The following GRM7 variants were observed in gnomAD, a reference collection of about 807,000 sequenced individuals.
GRM7 encodes glutamate metabotropic receptor 7.
Under a neutral mutation model 84.5 loss-of-function variants are expected in GRM7, and 35 were observed. The ratio of observed to expected loss-of-function variants is 0.41; its 90% confidence interval spans 0.32 to 0.55. GRM7 has a LOEUF of 0.55. GRM7 is among the 20% of genes least tolerant of loss of function. The probability of loss-of-function intolerance (pLI) is 0.19; values close to 1 mark genes in which losing one functional copy is unlikely to be tolerated. For missense variants in GRM7, 1,003 were observed against 1,194.6 expected, an observed-to-expected ratio of 0.84 and a Z score of 2.36; for synonymous variants, 487 against 455.1, an observed-to-expected ratio of 1.07 and a Z score of -0.89.
chr3:7,704,302 A>G (rs964525700), intron 9 of GRM7, among the ~76,000 whole-genome samples: 7 of 152,212 alleles, frequency 4.6e-5, no homozygotes, highest in Non-Finnish European at 1.0e-4. Flanking sequence ...ATGAACAGCT[A>G]TTTCACATCA....
intron 1 of GRM7, among the ~76,000 whole-genome samples, chr3:6,990,416 G>C (rs1291645421): frequency 6.6e-6 from 1 of 152,140 alleles, no homozygotes; most frequent in Admixed American, 6.5e-5. Context: ...GTTGGGAGAT[G>C]GGTGTTAGGA....
chr3:6,917,119 C>T (rs1256216417), intron 1 of GRM7, among the ~76,000 whole-genome samples: 5 of 152,148 alleles, frequency 3.3e-5, no homozygotes, highest in Admixed American at 3.3e-4. Flanking sequence ...TCAGTTTTCT[C>T]AACTGTCCAT....
At chr3:7,550,110 A>G (rs925042802) in intron 7 of GRM7, among the ~76,000 whole-genome samples, 2 of 144,924 alleles carry the variant, frequency 1.4e-5, no homozygotes, top group Non-Finnish European at 3.0e-5. Flanking sequence ...CCCCACCCCC[A>G]CTTAGTAATG....
intron 5 of GRM7, among the ~76,000 whole-genome samples, chr3:7,436,237 A>T (rs373257489): frequency 6.6e-6 from 1 of 151,898 alleles, no homozygotes; most frequent in African/African-American, 2.4e-5. Context: ...TGTTGTCTTT[A>T]TATCCCTCTT....
chr3:7,227,977 A>G (rs1346782766), intron 2 of GRM7, among the ~76,000 whole-genome samples: 6 of 152,182 alleles, frequency 3.9e-5, no homozygotes, highest in African/African-American at 1.4e-4. Flanking sequence ...AATGGTTTTC[A>G]TTCAGGTACT....
chr3:7,442,394 C>A (rs917382056), intron 5 of GRM7, among the ~76,000 whole-genome samples: 1 of 152,164 alleles, frequency 6.6e-6, no homozygotes, highest in African/African-American at 2.4e-5. Flanking sequence ...AATGAATTCA[C>A]AGCATCTTCA....
chr3:6,971,368 C>T (rs1329661075), intron 1 of GRM7, among the ~76,000 whole-genome samples: 5 of 152,130 alleles, frequency 3.3e-5, no homozygotes, highest in Non-Finnish European at 5.9e-5. Flanking sequence ...GTCCGAAGAA[C>T]TTTTCTTCCT....
chr3:6,933,358 C>G (rs1487789005), intron 1 of GRM7, among the ~76,000 whole-genome samples: 1 of 152,048 alleles, frequency 6.6e-6, no homozygotes, highest in East Asian at 1.9e-4. Flanking sequence ...CATATCCAGG[C>G]TTAATTGGAC....
intron 8 of GRM7, among the ~76,000 whole-genome samples, chr3:7,601,053 C>T (rs1022014275): frequency 1.3e-5 from 2 of 152,142 alleles, no homozygotes; most frequent in Non-Finnish European, 2.9e-5. Context: ...TGTTGAAACT[C>T]ACAGATTCCC....
chr3:7,221,082 G>T (rs1374012323), intron 2 of GRM7, among the ~76,000 whole-genome samples: 2 of 152,094 alleles, frequency 1.3e-5, no homozygotes, highest in African/African-American at 4.8e-5. Flanking sequence ...GGGCGACAGA[G>T]TAAGACTGTC....
intron 4 of GRM7, among the ~76,000 whole-genome samples, chr3:7,329,886 T>G (rs1000594628): frequency 6.6e-6 from 1 of 152,166 alleles, no homozygotes; most frequent in Non-Finnish European, 1.5e-5. Context: ...TGTTTTATTA[T>G]AGAGAAATAT....
rs1458817330 is a variant in GRM7, at chr3:7,339,962, C to G, written c.1033+33310C>G. On this transcript the variant is annotated intron_variant, in intron 4 of 9. Transcript: ENST00000357716. ...GCTTTAAATGTAATTATCTAGGAGT[C>G]TGAATCCTTGCATAGCTAAGAAATA... 2.0e-5 allele frequency among the ~76,000 whole-genome samples: 3 copies of G among 152,120 alleles called. No individual in the cohort carries two copies. In the East Asian group the frequency reaches 5.8e-4, roughly 29 times the overall value.
chr3:6,978,370 A>T (rs1694076585), intron 1 of GRM7, among the ~76,000 whole-genome samples: 1 of 152,078 alleles, frequency 6.6e-6, no homozygotes, highest in Non-Finnish European at 1.5e-5. Flanking sequence ...TTTTAGACCT[A>T]TTGGAGAACA....
At chr3:7,157,471 A>G (rs1444409835) in intron 2 of GRM7, among the ~76,000 whole-genome samples, 1 of 152,106 alleles carries the variant, frequency 6.6e-6, no homozygotes, top group Non-Finnish European at 1.5e-5. Context: ...AAATTTTGAA[A>G]TTTGAAATGA....
intron 2 of GRM7, among the ~76,000 whole-genome samples, chr3:7,272,424 C>T (rs569967488): frequency 2.6e-5 from 4 of 152,176 alleles, no homozygotes; most frequent in South Asian, 2.1e-4. Context: ...AACAGGAATA[C>T]GTGTTTTAGG....
chr3:7,608,935 C>T (rs1364194751), intron 8 of GRM7, among the ~76,000 whole-genome samples: 1 of 152,134 alleles, frequency 6.6e-6, no homozygotes, highest in Admixed American at 6.5e-5. Context: ...CTGCACGTGG[C>T]TAGCCAGTTA....
intron 8 of GRM7, among the ~76,000 whole-genome samples, chr3:7,633,753 C>T (rs1365151658): frequency 2.0e-5 from 3 of 152,070 alleles, no homozygotes; most frequent in African/African-American, 4.8e-5. Flanking sequence ...AATGCATTAC[C>T]GTTAATTTCT....
chr3:6,902,840 A>G (rs1696437319), intron 1 of GRM7, among the ~76,000 whole-genome samples: 1 of 113,320 alleles, frequency 8.8e-6, no homozygotes, highest in South Asian at 2.6e-4. Flanking sequence ...CACGATCACA[A>G]ACAGACTCCT....
At chr3:7,127,623 A>C (rs989316977) in intron 1 of GRM7, among the ~76,000 whole-genome samples, 16 of 152,302 alleles carry the variant, frequency 1.1e-4, no homozygotes, top group African/African-American at 3.8e-4. Flanking sequence ...GTGCATTTTA[A>C]AAGTTATACA....
Sources: gnomAD v4.1 joint callset for allele counts (sites outside exome capture counted in the v4.1 genomes callset) on GRCh38, gnomAD v4.1.1 for gene constraint, MANE v1.5 for transcripts, NCBI Gene and HGNC (gene_info 2026-07-23, HGNC 2026-07-21) for gene names.